CCDC28A: variants seen among roughly 807,000 people sequenced by gnomAD.
CCDC28A encodes the protein coiled-coil domain-containing protein 28A.
In CCDC28A, 24 loss-of-function variants were observed where a neutral mutation model predicts 22.1. The observed-to-expected ratio is 1.09, with a 90% CI of 0.79 to 1.53. CCDC28A has a LOEUF of 1.53. CCDC28A is among the 40% of genes most tolerant of loss of function. CCDC28A has a pLI of 0.00. For synonymous variants in CCDC28A, 83 were observed against 74.7 expected (o/e 1.11, Z -0.57); for missense variants, 170 against 210.7 (o/e 0.81, Z 1.20).
At chr6:138,790,860 A>G (rs1484320069) in intron 5 of CCDC28A, among the ~76,000 whole-genome samples, 1 of 152,192 alleles carries the variant, frequency 6.6e-6, no homozygotes, top group Non-Finnish European at 1.5e-5. Flanking sequence ...GTTGTCAGGC[A>G]TCATCAGTAT....
chr6:138,782,121 C>T (rs1427179798), intron 3 of CCDC28A, among the ~76,000 whole-genome samples: 5 of 152,116 alleles, frequency 3.3e-5, no homozygotes, highest in African/African-American at 7.2e-5. Context: ...ACCACTTCCA[C>T]GTCTTTGCTT....
At position 138,776,155 on chromosome 6, in the gene CCDC28A, AG is replaced by A. The variant is rs767679500; in HGVS notation, c.36del (p.Lys12AsnfsTer20). On this transcript the variant is annotated frameshift_variant, in exon 2 of 6. Coordinates refer to ENST00000617445, the MANE Select transcript of CCDC28A (RefSeq NM_015439.3). LOFTEE classifies it high-confidence loss of function. The part of the protein sequence containing the change: ...EERKVKRRSP[K>X]SFSAHCTQVV... ...CGGAAAGTGAAGAGGAGGAGTCCTA[AG>A]TCTTTTAGTGCCCACTGTACTCAGG... The A allele has an allele frequency of 6.2e-7, 1 of 1,614,092 alleles. No individual in the cohort carries two copies. Among genetic ancestry groups the A allele is most frequent in the South Asian group, 1.1e-5 (1 of 91,078 alleles).
At chr6:138,780,940 C>A (rs1442419105) in intron 3 of CCDC28A, among the ~76,000 whole-genome samples, 1 of 152,104 alleles carries the variant, frequency 6.6e-6, no homozygotes, top group East Asian at 1.9e-4. Flanking sequence ...TTAACTTCCC[C>A]AGTTTTTTAG....
intron 3 of CCDC28A, among the ~76,000 whole-genome samples, chr6:138,782,211 T>C (rs993436092): frequency 6.6e-6 from 1 of 152,232 alleles, no homozygotes; most frequent in African/African-American, 2.4e-5. Flanking sequence ...TTGTCTGTTA[T>C]CCTACTGATT....
At chr6:138,783,876 CT>C (rs577197452) in intron 3 of CCDC28A, among the ~76,000 whole-genome samples, 184 of 125,418 alleles carry the variant, frequency 1.5e-3, no homozygotes, top group Admixed American at 1.9e-3. Context: ...AGCCAGAACT[CT>C]TTTTTTTTTT....
chr6:138,776,053 A>G (rs747780063), intron 1 of CCDC28A, 26 bp from the exon 2 acceptor site: 14 of 1,564,826 alleles, frequency 8.9e-6, no homozygotes, highest in South Asian at 2.2e-5. Context: ...TAGCATACAT[A>G]TATAATTGCT....
At chr6:138,790,191 C>T (rs1283253394) in intron 5 of CCDC28A, among the ~76,000 whole-genome samples, 4 of 152,040 alleles carry the variant, frequency 2.6e-5, no homozygotes, top group East Asian at 1.9e-4. Context: ...CTCGCCCTGT[C>T]GCCCAGGCTG....
chr6:138,784,141 C>A (rs1216047248), intron 3 of CCDC28A, among the ~76,000 whole-genome samples: 1 of 151,892 alleles, frequency 6.6e-6, no homozygotes, highest in Non-Finnish European at 1.5e-5. Flanking sequence ...TCAGCCTTGG[C>A]CTCCCCAAGT....
chr6:138,784,529 T>A (rs568974035), intron 3 of CCDC28A, among the ~76,000 whole-genome samples: 15 of 152,038 alleles, frequency 9.9e-5, no homozygotes, highest in African/African-American at 2.2e-4. Context: ...GCGTGTTTTT[T>A]AAAAAATTTT....
In CCDC28A at chr6:138,785,332, A is replaced by G. The variant is rs1185945949; in HGVS notation, c.428A>G (p.Asp143Gly). The change falls in exon 4 of 6, where the codon GAT (aspartate) becomes GGT (glycine). Residue 143 changes from aspartate (D) to glycine (G), a missense_variant. Physicochemically the swap from Asp to Gly is moderately conservative, Grantham distance 94. Transcript: ENST00000617445. ...LYGELEELPE[D>G]KRKTASDSNL... is the part of the protein sequence containing the mutation. ...GGGGAGTTAGAGGAACTTCCTGAGGATAAGAGAAAAACAGCCAGTGACTCC... is the reference window on the plus strand; with the variant it reads ...GGGGAGTTAGAGGAACTTCCTGAGGGTAAGAGAAAAACAGCCAGTGACTCC... The G allele has an allele frequency of 2.5e-6, 4 of 1,613,678 alleles. No individual in the cohort carries two copies. The highest frequency in any genetic ancestry group is 3.4e-6 in the Non-Finnish European group (4 of 1,179,596).
chr6:138,785,848 G>A, intron 4 of CCDC28A, among the ~76,000 whole-genome samples: 1 of 152,078 alleles, frequency 6.6e-6, no homozygotes, highest in Non-Finnish European at 1.5e-5. Context: ...AAAATCTTAA[G>A]ATATAGAAGA....
chr6:138,773,795 G>T lies in CCDC28A; in HGVS notation c.-150G>T. ...TAAACAAACGGAGCTGCGGAGGAGC[G>T]GGTCCCGGGATGTGACCGGGGCTCT... On this transcript the variant is annotated 5_prime_UTR_variant, in exon 1 of 6. Coordinates refer to ENST00000617445, the MANE Select transcript of CCDC28A (RefSeq NM_015439.3). 6.2e-7 allele frequency: 1 copy of T among 1,613,900 alleles called. No homozygotes were observed. Among genetic ancestry groups the T allele is most frequent in the Non-Finnish European group, 8.5e-7 (1 of 1,179,904 alleles).
rs538319348 is a variant in CCDC28A at position 138,778,051 on chromosome 6, A to G, written c.159-1771A>G. ...AGGTATTACATAATGTATGTAATAC[A>G]TAAAATGCAGCCCTTGCTTTGGGAA... On this transcript the variant is annotated intron_variant, in intron 2 of 5. Coordinates refer to ENST00000617445, the MANE Select transcript of CCDC28A (RefSeq NM_015439.3). 9.2e-5 allele frequency among the ~76,000 whole-genome samples: 14 copies of G among 152,336 alleles called. No homozygotes were observed. In the South Asian group the frequency reaches 2.5e-3, roughly 27 times the overall value.
At chr6:138,781,311 C>G (rs1390343721) in intron 3 of CCDC28A, among the ~76,000 whole-genome samples, 1 of 151,990 alleles carries the variant, frequency 6.6e-6, no homozygotes, top group East Asian at 1.9e-4. Flanking sequence ...CAACTATGTC[C>G]CTATTGAGAG....
rs371958731 is a variant in CCDC28A at position 138,776,149 on chromosome 6, G to A, written c.29G>A (p.Ser10Asn). The change falls in exon 2 of 6, where the codon AGT becomes AAT. Residue 10 changes from serine to asparagine, a missense_variant. Transcript: ENST00000617445. MEERKVKRR[S>N]PKSFSAHCTQ... ...GAAGAGCGGAAAGTGAAGAGGAGGAGTCCTAAGTCTTTTAGTGCCCACTGT... is the reference window on the plus strand; with the variant it reads ...GAAGAGCGGAAAGTGAAGAGGAGGAATCCTAAGTCTTTTAGTGCCCACTGT... 26 of 1,614,006 alleles carry A rather than the reference G, an allele frequency of 1.6e-5. No homozygotes were observed. Among genetic ancestry groups the A allele is most frequent in the Admixed American group, 5.0e-5 (3 of 60,020 alleles).
At chr6:138,785,784 A>G (rs766678774) in intron 4 of CCDC28A, among the ~76,000 whole-genome samples, 1 of 152,206 alleles carries the variant, frequency 6.6e-6, no homozygotes, top group African/African-American at 2.4e-5. Context: ...TATTCTCAGA[A>G]TACAGATGCT....
intron 3 of CCDC28A, among the ~76,000 whole-genome samples, chr6:138,782,361 G>A (rs1306046610): frequency 6.6e-6 from 1 of 152,124 alleles, no homozygotes; most frequent in Non-Finnish European, 1.5e-5. Flanking sequence ...TCCAGGATAT[G>A]CTTAGGACTG....
chr6:138,791,236 A>T (rs1583525728), intron 5 of CCDC28A, among the ~76,000 whole-genome samples: 1 of 149,508 alleles, frequency 6.7e-6, no homozygotes, highest in African/African-American at 2.4e-5. Flanking sequence ...GGTGTACGTT[A>T]TGCCCAGCTA....
chr6:138,785,102 A>G (rs1340292428), intron 3 of CCDC28A, 125 bp from the exon 4 acceptor site: 1 of 548,732 alleles, frequency 1.8e-6, no homozygotes, highest in African/African-American at 1.9e-5. Flanking sequence ...AATATTAATG[A>G]TTATCTAATT....
Sources: gnomAD v4.1 joint callset for allele counts (sites outside exome capture counted in the v4.1 genomes callset) on GRCh38, gnomAD v4.1.1 for gene constraint, MANE v1.5 for transcripts, NCBI Gene and HGNC (gene_info 2026-07-23, HGNC 2026-07-21) for gene names.